Variants in ARNT observed in about 807,000 individuals in gnomAD.
ARNT encodes the protein class E basic helix-loop-helix protein 2.
A neutral mutation model predicts 105.0 loss-of-function variants in ARNT; 30 were observed. The ratio of observed to expected loss-of-function variants is 0.29; its 90% CI spans 0.21 to 0.39. The LOEUF is 0.39. Ranked by LOEUF, ARNT falls within the 10% of genes least tolerant of loss-of-function variation. The pLI, the probability that ARNT is intolerant of heterozygous loss-of-function variation, is 1.00. For synonymous variants in ARNT, 304 were observed against 344.0 expected (o/e 0.88, Z 1.29); for missense variants, 748 against 978.7 (o/e 0.76, Z 3.15).
rs1256878921 is a variant in ARNT at position 150,839,429 on chromosome 1, A to T, written c.486+12T>A. The stretch of plus-strand genomic sequence containing the variant: ...GATTCCAGACTCTCTCAGAACTATA[A>T]GTCCCAGAGACCTGATCAGTGAGGA... On this transcript the variant is annotated intron_variant, in intron 6 of 21. Transcript: ENST00000358595. 2.5e-6 allele frequency: 4 copies of T among 1,613,788 alleles called. No homozygotes were observed. The highest frequency in any genetic ancestry group is 3.4e-6 in the Non-Finnish European group (4 of 1,179,784).
chr1:150,846,163 C>T (rs765000233), intron 4 of ARNT, 100 bp downstream of exon 4: 15 of 927,368 alleles, frequency 1.6e-5, no homozygotes, highest in East Asian at 2.6e-5. Flanking sequence ...AGAGAAATTC[C>T]GTCTCATCCA....
chr1:150,874,018 T>TAAAAAAAAAAAAAAAAAAAAAAAAA (rs58707975), intron 1 of ARNT, among the ~76,000 whole-genome samples: 1 of 64,418 alleles, frequency 1.6e-5, no homozygotes, highest in Non-Finnish European at 3.0e-5. Flanking sequence ...ACAAGAATTG[T>TAAAAAAAAAAAAAAAAAAAAAAAAA]AAAAAAAAAA....
intron 13 of ARNT, among the ~76,000 whole-genome samples, chr1:150,826,299 G>T (rs887573493): frequency 2.6e-5 from 4 of 152,224 alleles, no homozygotes; most frequent in African/African-American, 9.6e-5. Context: ...ATACCTTAAA[G>T]ACAGCTCCTT....
chr1:150,858,411 G>A lies in ARNT; in HGVS notation c.75C>T (p.Asn25=), dbSNP rs774073465. 3.7e-6 allele frequency: 6 copies of A among 1,610,134 alleles called. No individual in the cohort carries two copies. Among genetic ancestry groups the A allele is most frequent in the Non-Finnish European group, 3.4e-6 (4 of 1,178,238 alleles). ...CTCCACCTTGAATTCCAGGTCCAGA[G>A]TTTCCAGAGGCAATGGCTGGACCCA... ...PSLGPAIASG[N]SGPGIQGGGA... is the part of the protein sequence containing the mutation. Residue 25 remains asparagine, a synonymous_variant, in exon 2 of 22, where the codon AAC becomes AAT. Coordinates refer to ENST00000358595, the MANE Select transcript of ARNT (RefSeq NM_001668.4).
intron 2 of ARNT, chr1:150,853,281 C>CAAA: frequency 6.4e-6 from 2 of 311,120 alleles, no homozygotes; most frequent in Non-Finnish European, 6.3e-6. Flanking sequence ...GACTCCATCT[C>CAAA]AAAAAAAAAA....
intron 3 of ARNT, among the ~76,000 whole-genome samples, chr1:150,850,053 A>G (rs1663029685): frequency 6.6e-6 from 1 of 152,186 alleles, no homozygotes; most frequent in African/African-American, 2.4e-5. Flanking sequence ...CTCTGTCTCA[A>G]AAAAACAAAC....
chr1:150,837,000 A>G (rs587622151), intron 6 of ARNT, among the ~76,000 whole-genome samples: 5 of 152,246 alleles, frequency 3.3e-5, no homozygotes, highest in African/African-American at 1.2e-4. Context: ...TGGGAAGCAG[A>G]GGTTGCAGTG....
At chr1:150,871,673 G>A (rs1035333958) in intron 1 of ARNT, among the ~76,000 whole-genome samples, 1 of 144,726 alleles carries the variant, frequency 6.9e-6, no homozygotes, top group Non-Finnish European at 1.5e-5. Context: ...ACTTTGGGAG[G>A]CCAAGGTGGG....
At chr1:150,866,478 C>T (rs1666611705) in intron 1 of ARNT, among the ~76,000 whole-genome samples, 1 of 152,076 alleles carries the variant, frequency 6.6e-6, no homozygotes, top group African/African-American at 2.4e-5. Flanking sequence ...ATGTCTTTCA[C>T]TGGGACACTT....
intron 5 of ARNT, among the ~76,000 whole-genome samples, chr1:150,840,649 C>G (rs374113061): frequency 6.6e-6 from 1 of 152,096 alleles, no homozygotes; most frequent in East Asian, 1.9e-4. Context: ...CATATGGGTC[C>G]CCAGTCTGGG....
intron 6 of ARNT, among the ~76,000 whole-genome samples, chr1:150,837,916 G>A (rs587677509): frequency 6.6e-6 from 1 of 151,016 alleles, no homozygotes; most frequent in East Asian, 1.9e-4. Flanking sequence ...TCCTAAGCTA[G>A]AAGCCTCAAA....
chr1:150,816,773 A>C lies in ARNT; in HGVS notation c.1802+15T>G. 6.4e-7 allele frequency: 1 copy of C among 1,570,430 alleles called. No individual in the cohort carries two copies. Among genetic ancestry groups the C allele is most frequent in the Admixed American group, 2.2e-5 (1 of 45,454 alleles). ...CTCAGGGCCCTGTAAAGCAGCACAT[A>C]TATACGGGGCTCACCTGAAATTCTC... On this transcript the variant is annotated intron_variant, in intron 18 of 21. Coordinates refer to ENST00000358595, the MANE Select transcript of ARNT (RefSeq NM_001668.4).
At chr1:150,815,721 C>T (rs975233870) in intron 19 of ARNT, among the ~76,000 whole-genome samples, 8 of 150,132 alleles carry the variant, frequency 5.3e-5, no homozygotes, top group Non-Finnish European at 1.2e-4. Flanking sequence ...AAAAATTAGG[C>T]GCAGTGGCGG....
chr1:150,832,419 G>C lies in ARNT; in HGVS notation c.804-20C>G, dbSNP rs1239687987. On this transcript the variant is annotated intron_variant, in intron 8 of 21. Transcript: ENST00000358595. ...CCACACCTGTTTCAAGGAATAAAGA[G>C]ATTAAAAGCAATCAGACTGCCCTAT... is the stretch of plus-strand genomic sequence containing the variant. The C allele has an allele frequency of 1.2e-6, 2 of 1,613,440 alleles. No individual in the cohort carries two copies. The highest frequency in any genetic ancestry group is 1.7e-6 in the Non-Finnish European group (2 of 1,179,456).
intron 3 of ARNT, 95 bp downstream of exon 3, chr1:150,852,667 T>C (rs1218568445): frequency 8.5e-7 from 1 of 1,173,334 alleles, no homozygotes; most frequent in Non-Finnish European, 1.2e-6. Flanking sequence ...GTACTCTCCT[T>C]AGACCTAAGG....
Position 150,871,294 on chromosome 1 carries a change from GTT to G in ARNT, c.25+5247_25+5248del, listed in dbSNP as rs754698911. 9.9e-4 allele frequency among the ~76,000 whole-genome samples: 94 copies of G among 94,654 alleles called. 1 individual carries two copies. The highest frequency in any genetic ancestry group is 4.2e-3 in the East Asian group (12 of 2,864). 62.1% of individuals were successfully genotyped at this position (94,654 alleles called of 152,430 possible). ...CATTATGGCATATTAGGCAGTCGTG[GTT>G]TTTTTTTTTTTTTTTTTTTTTTTAG... On this transcript the variant is annotated intron_variant, in intron 1 of 21. Transcript: ENST00000358595.
chr1:150,845,495 C>G lies in ARNT; in HGVS notation c.227+768G>C, dbSNP rs189872212. 4.3e-3 allele frequency among the ~76,000 whole-genome samples: 659 copies of G among 152,070 alleles called. 5 individuals carry two copies. The highest frequency in any genetic ancestry group is 0.015 in the African/African-American group (614 of 41,470). ...TGGTGGCAAATGCCCATATTCCCAGCTACTAGGGAGGCTGAGGTGGAAGAA... is the reference window on the plus strand; with the variant it reads ...TGGTGGCAAATGCCCATATTCCCAGGTACTAGGGAGGCTGAGGTGGAAGAA... On this transcript the variant is annotated intron_variant, in intron 4 of 21. Transcript: ENST00000358595.
intron 10 of ARNT, chr1:150,831,532 C>T (rs763487700): frequency 3.5e-6 from 1 of 287,568 alleles, no homozygotes. Context: ...TTCTTTGCAA[C>T]AAATGCTTAG....
chr1:150,868,790 C>T (rs1192272145), intron 1 of ARNT, among the ~76,000 whole-genome samples: 1 of 151,988 alleles, frequency 6.6e-6, no homozygotes, highest in Non-Finnish European at 1.5e-5. Flanking sequence ...GTCCCAGCTA[C>T]AGGAGGCTGA....
Sources: gnomAD v4.1 joint callset for allele counts (sites outside exome capture counted in the v4.1 genomes callset) on GRCh38, gnomAD v4.1.1 for gene constraint, MANE v1.5 for transcripts, NCBI Gene and HGNC (gene_info 2026-07-23, HGNC 2026-07-21) for gene names.